The following EDA2R variants were observed in gnomAD, a reference collection of about 807,000 sequenced individuals.
EDA2R encodes ectodysplasin A2 receptor.
A neutral mutation model predicts 20.1 loss-of-function variants in EDA2R; 26 were observed. That is an observed-to-expected ratio of 1.30 (90% CI 0.95 to 1.80). The LOEUF is 1.80. Ranked by LOEUF, EDA2R falls within the 40% of genes most tolerant of loss-of-function variation. EDA2R has a pLI of 0.00. For missense variants in EDA2R, 277 were observed against 228.7 expected, an observed-to-expected ratio of 1.21 and a Z score of -1.36; for synonymous variants, 114 against 88.7, an observed-to-expected ratio of 1.29 and a Z score of -1.60.
In EDA2R at chrX:66,597,095, T is replaced by C. The variant is rs754892508; in HGVS notation, c.*1009A>G. On this transcript the variant is annotated 3_prime_UTR_variant, in exon 7 of 7. Coordinates refer to ENST00000374719, the MANE Select transcript of EDA2R (RefSeq NM_021783.5). Reference sequence around the variant, plus strand: ...GTGATGAAGTGCACATTCTGCCTAATGTACTTAATAAACCACTTAATAGTT... The same window carrying C: ...GTGATGAAGTGCACATTCTGCCTAACGTACTTAATAAACCACTTAATAGTT... The C allele has an allele frequency of 7.3e-4, 83 of 113,258 alleles. No homozygotes were observed. The highest frequency in any genetic ancestry group is 2.3e-3 in the African/African-American group (72 of 31,247). The allele number at this position is 113,258 out of a possible 1,213,427, so 9.3% of individuals were successfully genotyped here.
rs1254378853 is a variant in EDA2R, at chrX:66,595,860, G to C, written c.*2244C>G. The C allele has an allele frequency of 9.0e-6, 1 of 110,725 alleles. No individual in the cohort carries two copies. Among genetic ancestry groups the C allele is most frequent in the Non-Finnish European group, 1.9e-5 (1 of 52,877 alleles). 9.1% of individuals were successfully genotyped at this position (110,725 alleles called of 1,213,427 possible). A position where few individuals can be genotyped will look rare whatever the true frequency, so the allele number is the denominator to read the frequency against. ...GGGTTGGTAGAGAGGAGTGGGACAG[G>C]AGGGATTATGATCTCAATGTGACAG... On this transcript the variant is annotated 3_prime_UTR_variant, in exon 7 of 7. Transcript: ENST00000374719.
chrX:66,620,608 C>T (rs1011412726), intron 1 of EDA2R, among the ~76,000 whole-genome samples: 3 of 110,646 alleles, frequency 2.7e-5, no homozygotes, highest in Non-Finnish European at 3.8e-5. Flanking sequence ...TTAGATATAA[C>T]AACAAAAGCA....
Position 66,597,937 on chromosome X carries a change from T to G in EDA2R, c.*167A>C. 5 of 698,235 alleles carry G rather than the reference T, an allele frequency of 7.2e-6. No homozygotes were observed. Among genetic ancestry groups the G allele is most frequent in the Non-Finnish European group, 9.3e-6 (5 of 535,964 alleles). 57.5% of individuals were successfully genotyped at this position (698,235 alleles called of 1,213,427 possible). ...ATGCTCCAGATCAGTCCTTGTGAAA[T>G]GGAGAATCAATCCTCTGGTGGGATG... On this transcript the variant is annotated 3_prime_UTR_variant, in exon 7 of 7. Coordinates refer to ENST00000374719, the MANE Select transcript of EDA2R (RefSeq NM_021783.5).
intron 1 of EDA2R, among the ~76,000 whole-genome samples, chrX:66,620,298 A>T (rs1456471261): frequency 8.9e-6 from 1 of 111,840 alleles, no homozygotes; most frequent in African/African-American, 3.3e-5. Context: ...GAGTTGCTAT[A>T]CTATGGTCAA....
At chrX:66,602,869 C>T in intron 4 of EDA2R, 72 bp from the exon 5 acceptor site, 1 of 967,649 alleles carries the variant, frequency 1.0e-6, no homozygotes, top group Admixed American at 3.5e-5. Flanking sequence ...TGGACCTGGA[C>T]TTCCTCAGGC....
chrX:66,621,355 T>TA (rs1385939082), intron 1 of EDA2R, among the ~76,000 whole-genome samples: 1 of 112,223 alleles, frequency 8.9e-6, no homozygotes, highest in Non-Finnish European at 1.9e-5. Flanking sequence ...CTCAAAATGT[T>TA]AAACATCATG....
chrX:66,614,494 A>G (rs1303144713), intron 2 of EDA2R, among the ~76,000 whole-genome samples: 1 of 112,311 alleles, frequency 8.9e-6, no homozygotes, highest in Admixed American at 9.4e-5. Flanking sequence ...ATCTGGCTCT[A>G]AAGCTTATAT....
intron 1 of EDA2R, among the ~76,000 whole-genome samples, chrX:66,637,187 T>G: frequency 8.9e-6 from 1 of 112,122 alleles, no homozygotes; most frequent in Middle Eastern, 4.6e-3. Context: ...GAAAAGATTC[T>G]GATTTTCTCA....
chrX:66,609,366 C>T lies in EDA2R; in HGVS notation c.88-4140G>A, dbSNP rs185440739. Among the ~76,000 whole-genome samples, 907 of 111,451 alleles carry T rather than the reference C, an allele frequency of 8.1e-3. 31 individuals are homozygous for T. Among genetic ancestry groups the T allele is most frequent in the Admixed American group, 0.076 (800 of 10,504 alleles). ...CTCCTTCCATTCTGCCCCATGTTTG[C>T]CCACTCAGGCTTTACTCAATGCCTT... On this transcript the variant is annotated intron_variant, in intron 2 of 6. Coordinates refer to ENST00000374719, the MANE Select transcript of EDA2R (RefSeq NM_021783.5).
intron 1 of EDA2R, among the ~76,000 whole-genome samples, chrX:66,626,514 G>A (rs1933089664): frequency 9.0e-6 from 1 of 111,122 alleles, no homozygotes; most frequent in Non-Finnish European, 1.9e-5. Flanking sequence ...AAGAAGTCTG[G>A]GATTATATTA....
chrX:66,598,207 G>T, intron 6 of EDA2R, 114 bp from the exon 7 acceptor site: 1 of 231,565 alleles, frequency 4.3e-6, no homozygotes, highest in Non-Finnish European at 8.1e-6. Context: ...TGTAATAGCA[G>T]AAAGACATTA....
chrX:66,626,706 CA>C (rs1933110266), intron 1 of EDA2R, among the ~76,000 whole-genome samples: 1 of 104,183 alleles, frequency 9.6e-6, no homozygotes, highest in Non-Finnish European at 2.0e-5. Flanking sequence ...ATTGCCTAGG[CA>C]CATTGTCTTC....
At position 66,607,704 on chromosome X, in the gene EDA2R, CAAACA is replaced by C. The variant is rs1408931030; in HGVS notation, c.88-2483_88-2479del. Among the ~76,000 whole-genome samples the C allele has an allele frequency of 5.4e-5, 6 of 111,540 alleles. No individual in the cohort carries two copies. The East Asian group carries it at 1.7e-3, about 31-fold the overall frequency. On this transcript the variant is annotated intron_variant, in intron 2 of 6. Coordinates refer to ENST00000374719, the MANE Select transcript of EDA2R (RefSeq NM_021783.5). ...CAACAACACAAATCTAGAAAACAAA[CAAACA>C]AAACCAAAACCAAAAGTAAAACAGG...
At chrX:66,600,199 C>A (rs1928303029) in intron 5 of EDA2R, 1 of 566,506 alleles carries the variant, frequency 1.8e-6, no homozygotes, top group Non-Finnish European at 2.8e-6. Flanking sequence ...AGTTACATGG[C>A]AAACTAGACT....
chrX:66,622,631 A>G (rs1441802757), intron 1 of EDA2R, among the ~76,000 whole-genome samples: 1 of 111,941 alleles, frequency 8.9e-6, no homozygotes, highest in Non-Finnish European at 1.9e-5. Flanking sequence ...CATGCACAAG[A>G]CAGAATCAAA....
chrX:66,636,191 C>T (rs1934304631), intron 1 of EDA2R, among the ~76,000 whole-genome samples: 1 of 111,909 alleles, frequency 8.9e-6, no homozygotes, highest in South Asian at 3.7e-4. Flanking sequence ...ATGAGCCACC[C>T]TTCCTGACCA....
At chrX:66,598,602 GGAA>G (rs1927886213) in intron 6 of EDA2R, among the ~76,000 whole-genome samples, 1 of 112,012 alleles carries the variant, frequency 8.9e-6, no homozygotes, top group South Asian at 3.7e-4. Context: ...CCCAAACCTT[GGAA>G]GAAGAACTGG....
At chrX:66,602,559 C>T in intron 5 of EDA2R, 74 bp downstream of exon 5, 2 of 1,070,739 alleles carry the variant, frequency 1.9e-6, no homozygotes, top group South Asian at 4.7e-5. Flanking sequence ...TCTCTCAACC[C>T]CAGAACATCC....
intron 1 of EDA2R, among the ~76,000 whole-genome samples, chrX:66,627,564 G>A (rs1431010854): frequency 8.9e-6 from 1 of 112,353 alleles, no homozygotes; most frequent in Non-Finnish European, 1.9e-5. Context: ...ACAAGTCCTT[G>A]TCCAACAGGA....
Sources: gnomAD v4.1 joint callset for allele counts (sites outside exome capture counted in the v4.1 genomes callset) on GRCh38, gnomAD v4.1.1 for gene constraint, MANE v1.5 for transcripts, NCBI Gene and HGNC (gene_info 2026-07-23, HGNC 2026-07-21) for gene names.